PHC2: variants seen among roughly 807,000 people sequenced by gnomAD.
The protein encoded by PHC2 is polyhomeotic homolog 2.
Under a neutral mutation model 87.4 loss-of-function variants are expected in PHC2, and 29 were observed. The ratio of observed to expected loss-of-function variants is 0.33; its 90% CI spans 0.25 to 0.45. PHC2 has a LOEUF of 0.45. Among genes scored for constraint, PHC2 ranks in the 20% least tolerant of loss-of-function variants. The pLI, the probability that PHC2 is intolerant of heterozygous loss-of-function variation, is 1.00. For synonymous variants in PHC2, 438 were observed against 461.7 expected (o/e 0.95, Z 0.66); for missense variants, 857 against 1,136.7 (o/e 0.75, Z 3.54).
chr1:33,404,720 T>C (rs1485205813), intron 1 of PHC2, among the ~76,000 whole-genome samples: 1 of 152,146 alleles, frequency 6.6e-6, no homozygotes, highest in African/African-American at 2.4e-5. Flanking sequence ...CCTACTCTGA[T>C]GTGTTTTATG....
intron 7 of PHC2, among the ~76,000 whole-genome samples, chr1:33,360,464 T>A (rs1035156916): frequency 6.6e-6 from 1 of 151,674 alleles, no homozygotes; most frequent in Middle Eastern, 3.4e-3. Context: ...CTGACACTGA[T>A]AGGCTGTGCA....
At chr1:33,381,217 T>C (rs762817241) in intron 1 of PHC2, among the ~76,000 whole-genome samples, 20 of 152,206 alleles carry the variant, frequency 1.3e-4, no homozygotes, top group Non-Finnish European at 2.4e-4. Context: ...ACTTACAACA[T>C]AGCCTTACAA....
chr1:33,420,403 G>A (rs1040301584), intron 1 of PHC2, among the ~76,000 whole-genome samples: 1 of 152,050 alleles, frequency 6.6e-6, no homozygotes, highest in Non-Finnish European at 1.5e-5. Context: ...GAATCAAGAA[G>A]ATAAAGAGAA....
intron 1 of PHC2, among the ~76,000 whole-genome samples, chr1:33,399,119 G>C (rs1307233457): frequency 6.6e-6 from 1 of 152,154 alleles, no homozygotes; most frequent in African/African-American, 2.4e-5. Context: ...ATTCAGGCCT[G>C]AATAGGATCC....
intron 1 of PHC2, among the ~76,000 whole-genome samples, chr1:33,424,077 G>A (rs1312800910): frequency 1.3e-4 from 17 of 135,496 alleles, no homozygotes; most frequent in Non-Finnish European, 2.6e-4. Context: ...CAGCCAGGTC[G>A]ACAGAACGAG....
chr1:33,416,611 A>G (rs1650221404), intron 1 of PHC2, among the ~76,000 whole-genome samples: 1 of 150,908 alleles, frequency 6.6e-6, no homozygotes, highest in Non-Finnish European at 1.5e-5. Context: ...AAAGAATTAC[A>G]GCAGATTTCT....
At chr1:33,338,685 A>C (rs1324212625) in intron 9 of PHC2, among the ~76,000 whole-genome samples, 5 of 152,256 alleles carry the variant, frequency 3.3e-5, no homozygotes, top group Non-Finnish European at 2.9e-5. Flanking sequence ...GCCAGATAAA[A>C]GAGACAAAGA....
intron 9 of PHC2, among the ~76,000 whole-genome samples, chr1:33,354,101 CTCCACTT>C (rs1242502765): frequency 6.6e-6 from 1 of 152,244 alleles, no homozygotes; most frequent in Non-Finnish European, 1.5e-5. Context: ...TGCCTCCACT[CTCCACTT>C]GGCATATGTC....
intron 1 of PHC2, among the ~76,000 whole-genome samples, chr1:33,407,831 T>C (rs1649824765): frequency 1.3e-5 from 2 of 152,220 alleles, no homozygotes; most frequent in Admixed American, 1.3e-4. Flanking sequence ...AAAAAAATGG[T>C]ACAATCAATG....
intron 1 of PHC2, among the ~76,000 whole-genome samples, chr1:33,404,472 T>C (rs1333848425): frequency 8.5e-5 from 13 of 152,244 alleles, no homozygotes. Flanking sequence ...ACAGCAATAC[T>C]ATCTAATTAT....
At chr1:33,415,019 C>T (rs575584661) in intron 1 of PHC2, among the ~76,000 whole-genome samples, 34 of 152,258 alleles carry the variant, frequency 2.2e-4, no homozygotes, top group Admixed American at 7.8e-4. Context: ...GGCCTGTGAT[C>T]GCTAAGAAAA....
At position 33,349,762 on chromosome 1, in the gene PHC2, C is replaced by T. The variant is rs1646925303; in HGVS notation, c.1558+4639G>A. ...GGCGCATCCGACCGCACCGGCCTGG[C>T]CGGCGTCAACAAAGGGCGGCCGGGG... On this transcript the variant is annotated intron_variant, in intron 9 of 14. Transcript: ENST00000683057. The surrounding 1 kb of genome is among the most constrained non-coding windows in gnomAD (Gnocchi z 4.2). The T allele has an allele frequency of 2.0e-6, 2 of 981,052 alleles. No individual in the cohort carries two copies. The highest frequency in any genetic ancestry group is 6.3e-5 in the Admixed American group (1 of 15,826). 60.8% of individuals were successfully genotyped at this position (981,052 alleles called of 1,614,324 possible). A position where few individuals can be genotyped will look rare whatever the true frequency, so the allele number is the denominator to read the frequency against.
At chr1:33,403,835 A>G (rs1649644357) in intron 1 of PHC2, among the ~76,000 whole-genome samples, 2 of 152,156 alleles carry the variant, frequency 1.3e-5, no homozygotes, top group Non-Finnish European at 2.9e-5. Context: ...GAAACAGTAA[A>G]TACCCTTGGC....
intron 7 of PHC2, among the ~76,000 whole-genome samples, chr1:33,362,683 G>C (rs769747703): frequency 6.6e-6 from 1 of 152,204 alleles, no homozygotes; most frequent in Admixed American, 6.5e-5. Context: ...ATGGTCACAC[G>C]CGCACACAGC....
At chr1:33,347,811 C>T (rs748136508) in intron 9 of PHC2, 185 of 819,372 alleles carry the variant, frequency 2.3e-4, no homozygotes, top group Non-Finnish European at 2.7e-4. Flanking sequence ...GAGCACCACT[C>T]CCCATCTGCC....
Position 33,368,434 on chromosome 1 carries a change from T to C in PHC2, c.663+102A>G. The C allele has an allele frequency of 1.5e-6, 1 of 658,970 alleles. No homozygotes were observed. Among genetic ancestry groups the C allele is most frequent in the Non-Finnish European group, 2.6e-6 (1 of 387,186 alleles). 40.8% of individuals were successfully genotyped at this position (658,970 alleles called of 1,614,324 possible). On this transcript the variant is annotated intron_variant, in intron 6 of 14. Coordinates refer to ENST00000683057, the MANE Select transcript of PHC2 (RefSeq NM_001385109.1). The surrounding 1 kb of genome is among the most constrained non-coding windows in gnomAD (Gnocchi z 6.6). ...TGGGGTGTCCTGTCTCCCGCCTGCTTTCCTAGCTGATCCCGGCCTCTCCTT... is the reference window on the plus strand; with the variant it reads ...TGGGGTGTCCTGTCTCCCGCCTGCTCTCCTAGCTGATCCCGGCCTCTCCTT...
chr1:33,415,523 T>G (rs1349630881), intron 1 of PHC2, among the ~76,000 whole-genome samples: 1 of 152,110 alleles, frequency 6.6e-6, no homozygotes, highest in Non-Finnish European at 1.5e-5. Flanking sequence ...GTAACATAAC[T>G]GCATCCAAAA....
At chr1:33,394,899 A>T (rs1242241249) in intron 1 of PHC2, among the ~76,000 whole-genome samples, 1 of 152,208 alleles carries the variant, frequency 6.6e-6, no homozygotes, top group Non-Finnish European at 1.5e-5. Flanking sequence ...ACTTCCCAGG[A>T]ATAGCACAAC....
At chr1:33,417,717 C>T (rs1185077528) in intron 1 of PHC2, among the ~76,000 whole-genome samples, 1 of 151,998 alleles carries the variant, frequency 6.6e-6, no homozygotes, top group African/African-American at 2.4e-5. Flanking sequence ...TAATTGATGA[C>T]ACAAGTAGAT....
Sources: allele counts gnomAD v4.1 joint callset (sites outside exome capture counted in the v4.1 genomes callset), GRCh38; gene constraint gnomAD v4.1.1; non-coding constraint Gnocchi (gnomAD v3.1); transcripts MANE v1.5; gene names NCBI Gene and HGNC (gene_info 2026-07-23, HGNC 2026-07-21).